MARK2: variants seen among roughly 807,000 people sequenced by gnomAD.
The protein encoded by MARK2 is serine/threonine-protein kinase MARK2.
Under a neutral mutation model 89.8 loss-of-function variants are expected in MARK2, and 16 were observed. The ratio of observed to expected loss-of-function variants is 0.18; its 90% CI spans 0.12 to 0.27. The LOEUF is 0.27. Among genes scored for constraint, MARK2 ranks in the 10% least tolerant of loss-of-function variants. The pLI, the probability that MARK2 is intolerant of heterozygous loss-of-function variation, is 1.00. For missense variants in MARK2, 621 were observed against 1,049.9 expected, an observed-to-expected ratio of 0.59 and a Z score of 5.65; for synonymous variants, 382 against 399.5, an observed-to-expected ratio of 0.96 and a Z score of 0.52.
At chr11:63,863,631 A>G (rs891435284) in intron 1 of MARK2, among the ~76,000 whole-genome samples, 11 of 151,400 alleles carry the variant, frequency 7.3e-5, no homozygotes, top group Middle Eastern at 3.2e-3. Context: ...TACCTGGTTA[A>G]TTTTGTATAT....
rs150112574 is a variant in MARK2 at position 63,855,155 on chromosome 11, G to A, written c.54+15595G>A. 6.3e-3 allele frequency among the ~76,000 whole-genome samples: 954 copies of A among 152,176 alleles called. 16 individuals are homozygous for A. Among genetic ancestry groups the A allele is most frequent in the African/African-American group, 0.022 (914 of 41,544 alleles). On this transcript the variant is annotated intron_variant, in intron 1 of 18. Coordinates refer to ENST00000402010, the MANE Select transcript of MARK2 (RefSeq NM_001039469.3). ...TTTTGACATTGTGTGAAACGTCAGT[G>A]TTTGGAAATTCTGCACAATTCAGTG...
At chr11:63,882,549 A>C (rs1027737625) in intron 1 of MARK2, 21 of 152,200 alleles carry the variant, frequency 1.4e-4, no homozygotes, top group African/African-American at 5.1e-4. Flanking sequence ...ACGCCATTGC[A>C]TTCCAGCCTG....
At chr11:63,882,278 A>C (rs1191439747) in intron 1 of MARK2, among the ~76,000 whole-genome samples, 1 of 151,882 alleles carries the variant, frequency 6.6e-6, no homozygotes, top group South Asian at 2.1e-4. Context: ...AAATAATAAA[A>C]GTTTTAATCT....
Position 63,905,655 on chromosome 11 carries a change from G to A in MARK2, c.1935-433G>A, listed in dbSNP as rs113219142. Among the ~76,000 whole-genome samples, 433 of 152,330 alleles carry A rather than the reference G, an allele frequency of 2.8e-3. 3 individuals are homozygous for A. Among genetic ancestry groups the A allele is most frequent in the African/African-American group, 0.01 (425 of 41,566 alleles). On this transcript the variant is annotated intron_variant, in intron 16 of 18. Transcript: ENST00000402010. ...CCCAGGGTGGGGATCTCTTCACGGG[G>A]TTTCTCACACCTGAGCCCCCAGCCA...
chr11:63,844,623 C>T (rs1159590772), intron 1 of MARK2, among the ~76,000 whole-genome samples: 1 of 152,190 alleles, frequency 6.6e-6, no homozygotes, highest in African/African-American at 2.4e-5. Flanking sequence ...TTCAGACCAA[C>T]CAAAGTTTGG....
At chr11:63,879,053 C>G (rs906507431) in intron 1 of MARK2, among the ~76,000 whole-genome samples, 1 of 152,092 alleles carries the variant, frequency 6.6e-6, no homozygotes, top group Admixed American at 6.6e-5. Context: ...GCCTGTAATC[C>G]CAGCACTTTG....
chr11:63,854,186 C>CTGTGTGTGTG (rs55689743), intron 1 of MARK2, among the ~76,000 whole-genome samples: 460 of 141,664 alleles, frequency 3.2e-3, no homozygotes, highest in East Asian at 0.013. Context: ...ACTATTAATT[C>CTGTGTGTGTG]TGTGTGTGTG....
rs759868280 is a variant in MARK2, at chr11:63,900,750, C to G, written c.889-30C>G. 1 of 1,613,886 alleles carries G rather than the reference C, an allele frequency of 6.2e-7. No homozygotes were observed. ...AAACTTTCCAGCTGAGTTTCTTCCCCCTGCCCTTTTCCTTCTCTGTGCTCC... is the reference window on the plus strand; with the variant it reads ...AAACTTTCCAGCTGAGTTTCTTCCCGCTGCCCTTTTCCTTCTCTGTGCTCC... On this transcript the variant is annotated intron_variant, in intron 9 of 18. Coordinates refer to ENST00000402010, the MANE Select transcript of MARK2 (RefSeq NM_001039469.3). This position sits in a 1 kb window ranked among gnomAD's most constrained non-coding sequence, Gnocchi z 4.7.
At chr11:63,899,843 G>A (rs1940724689) in intron 7 of MARK2, 31 bp from the exon 8 acceptor site, 3 of 1,477,774 alleles carry the variant, frequency 2.0e-6, no homozygotes, top group Non-Finnish European at 2.8e-6. Flanking sequence ...GGTCCACTTG[G>A]TTCCCTGATG....
At chr11:63,870,693 G>T (rs912857128) in intron 1 of MARK2, among the ~76,000 whole-genome samples, 1 of 152,216 alleles carries the variant, frequency 6.6e-6, no homozygotes, top group African/African-American at 2.4e-5. Flanking sequence ...GCAATGAAGT[G>T]CTAGTGCAGG....
Position 63,903,847 on chromosome 11 carries a change from T to C in MARK2, c.1515-139T>C. Reference sequence around the variant, plus strand: ...CCGCATTCCTCAGTTCTGACTTGCATCCCGCTGCTGCCCAGGCCTGACTTC... The same window carrying C: ...CCGCATTCCTCAGTTCTGACTTGCACCCCGCTGCTGCCCAGGCCTGACTTC... On this transcript the variant is annotated intron_variant, in intron 14 of 18. Transcript: ENST00000402010. This position sits in a 1 kb window ranked among gnomAD's most constrained non-coding sequence, Gnocchi z 5.1. 1.6e-6 allele frequency: 1 copy of C among 633,520 alleles called. No individual in the cohort carries two copies. The highest frequency in any genetic ancestry group is 2.7e-6 in the Non-Finnish European group (1 of 375,164). 39.2% of individuals were successfully genotyped at this position (633,520 alleles called of 1,614,324 possible).
chr11:63,876,991 C>T lies in MARK2; in HGVS notation c.55-18168C>T, dbSNP rs148422249. Among the ~76,000 whole-genome samples the T allele has an allele frequency of 7.2e-3, 1,094 of 151,796 alleles. 5 individuals carry two copies. The highest frequency in any genetic ancestry group is 0.011 in the Non-Finnish European group (766 of 67,956). ...AGCTCAAAGCCCAGGTCTTCTGCAC[C>T]GAAGAGTGCCATTCCCAGGTTCATA... On this transcript the variant is annotated intron_variant, in intron 1 of 18. Coordinates refer to ENST00000402010, the MANE Select transcript of MARK2 (RefSeq NM_001039469.3).
At chr11:63,881,425 G>C (rs1270899946) in intron 1 of MARK2, among the ~76,000 whole-genome samples, 1 of 152,214 alleles carries the variant, frequency 6.6e-6, no homozygotes, top group Non-Finnish European at 1.5e-5. Context: ...CTGGTAGCAA[G>C]AAATTGTGAT....
Position 63,900,869 on chromosome 11 carries a change from C to T in MARK2, c.978C>T (p.Pro326=). The change falls in exon 10 of 19, where the codon CCC becomes CCT. Residue 326 remains proline, a synonymous_variant. Transcript: ENST00000402010. The surrounding 1 kb of genome is among the most constrained non-coding windows in gnomAD (Gnocchi z 4.7). ...AGCCACTCCCTGACTACAAGGACCC[C>T]CGGCGGACAGGTGAGGCTGTGCCGG... The part of the protein sequence containing the change: ...YVEPLPDYKD[P]RRTELMVSMG... 6.2e-7 allele frequency: 1 copy of T among 1,614,178 alleles called. No homozygotes were observed. The highest frequency in any genetic ancestry group is 1.3e-5 in the African/African-American group (1 of 75,046).
At chr11:63,896,581 G>A (rs1484874777) in intron 3 of MARK2, among the ~76,000 whole-genome samples, 1 of 152,222 alleles carries the variant, frequency 6.6e-6, no homozygotes, top group Non-Finnish European at 1.5e-5. Flanking sequence ...AGGAGTAAGG[G>A]CTGAGGATTG....
intron 1 of MARK2, among the ~76,000 whole-genome samples, chr11:63,877,171 A>G (rs1483086153): frequency 7.9e-6 from 1 of 126,820 alleles, no homozygotes; most frequent in Non-Finnish European, 1.5e-5. Flanking sequence ...GTGCAGTGGC[A>G]TGATTTCGGC....
chr11:63,877,223 A>G (rs1381177340), intron 1 of MARK2, among the ~76,000 whole-genome samples: 1 of 136,400 alleles, frequency 7.3e-6, no homozygotes, highest in African/African-American at 2.8e-5. Flanking sequence ...TGATCCTCCC[A>G]CCTGGGCCTC....
chr11:63,908,996 AGAT>A lies in MARK2; in HGVS notation c.2131_2133del (p.Met711del). 6.3e-7 allele frequency: 1 copy of A among 1,580,984 alleles called. No homozygotes were observed. The highest frequency in any genetic ancestry group is 8.7e-7 in the Non-Finnish European group (1 of 1,153,862). ...ACCACGAGCTCCATGGAGCCCAACG[AGAT>A]GATGCGGGAGATCCGCAAGGTGCTG... On this transcript the variant is annotated inframe_deletion, in exon 19 of 19. Coordinates refer to ENST00000402010, the MANE Select transcript of MARK2 (RefSeq NM_001039469.3).
intron 17 of MARK2, among the ~76,000 whole-genome samples, chr11:63,907,362 C>A (rs1352965398): frequency 6.6e-6 from 1 of 152,244 alleles, no homozygotes; most frequent in Non-Finnish European, 1.5e-5. Context: ...CACAGCCGGG[C>A]TCCCTGCTCG....
Sources: gnomAD v4.1 joint callset for allele counts (sites outside exome capture counted in the v4.1 genomes callset) on GRCh38, gnomAD v4.1.1 for gene constraint, Gnocchi (gnomAD v3.1) non-coding constraint, MANE v1.5 for transcripts, NCBI Gene and HGNC (gene_info 2026-07-23, HGNC 2026-07-21) for gene names.